The following RSF1 variants were observed in gnomAD, a reference collection of about 807,000 sequenced individuals.
RSF1 encodes the protein remodeling and spacing factor 1, also known as HBV pX-associated protein 8.
Under a neutral mutation model 145.2 loss-of-function variants are expected in RSF1, and 13 were observed. That is an observed-to-expected ratio of 0.09 (90% CI 0.06 to 0.14). The LOEUF is 0.14. Among genes scored for constraint, RSF1 ranks in the 10% least tolerant of loss-of-function variants. The probability of loss-of-function intolerance (pLI) is 1.00; values close to 1 mark genes in which losing one functional copy is unlikely to be tolerated. For missense variants in RSF1, 1,517 were observed against 1,718.2 expected (o/e 0.88, Z 2.07); for synonymous variants, 577 against 592.6 (o/e 0.97, Z 0.38).
chr11:77,820,686 A>T lies in RSF1; in HGVS notation c.29T>A (p.Val10Glu). The change falls in exon 1 of 16, where the codon GTG (valine) becomes GAG (glutamate). Residue 10 changes from valine (V) to glutamate (E), a missense_variant. Coordinates refer to ENST00000308488, the MANE Select transcript of RSF1 (RefSeq NM_016578.4). MATAAAAAAVMAPPGCPGSC... is the reference protein window; with the variant it reads MATAAAAAAEMAPPGCPGSC... ...ACCCGGGCAGCCCGGAGGAGCCATC[A>T]CCGCCGCCGCTGCCGCCGCCGTCGC... The T allele has an allele frequency of 6.4e-7, 1 of 1,551,202 alleles. No homozygotes were observed. The highest frequency in any genetic ancestry group is 2.4e-5 in the East Asian group (1 of 41,354).
chr11:77,679,437 C>T (rs1959798642), intron 11 of RSF1, among the ~76,000 whole-genome samples: 1 of 152,130 alleles, frequency 6.6e-6, no homozygotes, highest in South Asian at 2.1e-4. Flanking sequence ...CTTTGGGAGG[C>T]CAAGGCAGGC....
Position 77,660,221 on chromosome 11 carries a change from A to G in RSF1, c.*6696T>C, listed in dbSNP as rs2135796345. The G allele has an allele frequency of 6.6e-6, 1 of 152,266 alleles. No homozygotes were observed. The highest frequency in any genetic ancestry group is 1.9e-4 in the East Asian group (1 of 5,188). The allele number at this position is 152,266 out of a possible 1,614,324, so 9.4% of individuals were successfully genotyped here. On this transcript the variant is annotated 3_prime_UTR_variant, in exon 16 of 16. Transcript: ENST00000308488. ...CAAAAATACTGGCACCAGCCACAAC[A>G]TATTTTGGTTGTCACTTACAAGGAA...
chr11:77,804,483 G>C (rs1020337198), intron 1 of RSF1, among the ~76,000 whole-genome samples: 2 of 152,212 alleles, frequency 1.3e-5, no homozygotes, highest in Non-Finnish European at 2.9e-5. Flanking sequence ...TAAATGGCAT[G>C]AGACCAGCCT....
At chr11:77,734,744 C>T (rs1590857459) in intron 4 of RSF1, 1 of 1,515,734 alleles carries the variant, frequency 6.6e-7, no homozygotes, top group Non-Finnish European at 9.1e-7. Flanking sequence ...AGCCCGCTCT[C>T]CCAGTCATCA....
chr11:77,843,288 G>A, the RSF1 span, among the ~76,000 whole-genome samples: 118 of 152,248 alleles, frequency 7.8e-4, no homozygotes, highest in African/African-American at 2.6e-3. Flanking sequence ...AGTATTCTCA[G>A]TGTGCCATTC....
intron 8 of RSF1, 77 bp downstream of exon 8, chr11:77,693,426 ATATT>A: frequency 1.2e-6 from 1 of 839,406 alleles, no homozygotes; most frequent in Non-Finnish European, 2.0e-6. Flanking sequence ...AAGGTTAAAA[ATATT>A]CATTCAGTAG....
the RSF1 span, among the ~76,000 whole-genome samples, chr11:77,828,966 T>C: frequency 2.0e-5 from 3 of 152,234 alleles, no homozygotes; most frequent in African/African-American, 7.2e-5. Context: ...ACTTCCTGGC[T>C]TCCAAAGTTA....
rs1025887273 is a variant in RSF1 at position 77,687,956 on chromosome 11, G to C, written c.2901-2797C>G. 5.9e-5 allele frequency among the ~76,000 whole-genome samples: 9 copies of C among 152,282 alleles called. No homozygotes were observed. The East Asian group carries it at 1.2e-3, about 20-fold the overall frequency. ...TCAAAGGGCTCCAAAGAATAAGCAG[G>C]TAAGAAATTCTTAGTGGTTTACATT... is the stretch of plus-strand genomic sequence containing the variant. On this transcript the variant is annotated intron_variant, in intron 9 of 15. Transcript: ENST00000308488.
chr11:77,673,663 T>TA (rs1199328507), intron 14 of RSF1, among the ~76,000 whole-genome samples: 1 of 152,156 alleles, frequency 6.6e-6, no homozygotes, highest in African/African-American at 2.4e-5. Context: ...CCACAGGAAC[T>TA]AAAACTAGCA....
At chr11:77,855,881 G>A in the RSF1 span, among the ~76,000 whole-genome samples, 2 of 151,958 alleles carry the variant, frequency 1.3e-5, no homozygotes. Context: ...TATGAGGTGG[G>A]CCAAGGTGAG....
intron 8 of RSF1, among the ~76,000 whole-genome samples, chr11:77,693,018 G>A (rs1456169307): frequency 6.6e-6 from 1 of 152,124 alleles, no homozygotes; most frequent in African/African-American, 2.4e-5. Flanking sequence ...GTTTGTGAGA[G>A]AAATGTAACC....
At chr11:77,757,964 TAAAATTA>T (rs371321879) in intron 2 of RSF1, among the ~76,000 whole-genome samples, 623 of 152,146 alleles carry the variant, frequency 4.1e-3, no homozygotes, top group Admixed American at 6.4e-3. Flanking sequence ...ACACTGTCTC[TAAAATTA>T]AAAATTAAAA....
upstream of RSF1, among the ~76,000 whole-genome samples, chr11:77,825,395 T>C (rs35711367): frequency 0.39 from 59,664 of 151,970 alleles, 12,198 homozygotes; most frequent in African/African-American, 0.49. Context: ...ATTAGGTTTA[T>C]CTAAAACTCA....
chr11:77,818,400 G>C (rs1948802229), intron 1 of RSF1, among the ~76,000 whole-genome samples: 1 of 152,078 alleles, frequency 6.6e-6, no homozygotes, highest in Non-Finnish European at 1.5e-5. Context: ...CCCACAGTTC[G>C]TTCTCTGAGA....
At chr11:77,792,768 T>C (rs1036358359) in intron 1 of RSF1, among the ~76,000 whole-genome samples, 1 of 149,282 alleles carries the variant, frequency 6.7e-6, no homozygotes, top group Non-Finnish European at 1.5e-5. Context: ...ATCAAGATAC[T>C]ATACCTACCA....
intron 4 of RSF1, among the ~76,000 whole-genome samples, chr11:77,736,989 A>C (rs1961368909): frequency 1.3e-5 from 2 of 152,232 alleles, no homozygotes; most frequent in African/African-American, 4.8e-5. Flanking sequence ...AAAATCAGAG[A>C]GTCAATAAAC....
At chr11:77,681,345 A>G (rs978562798) in intron 11 of RSF1, among the ~76,000 whole-genome samples, 4 of 152,244 alleles carry the variant, frequency 2.6e-5, no homozygotes, top group Non-Finnish European at 5.9e-5. Context: ...AATGACTGAC[A>G]TATTACAAAA....
chr11:77,831,104 C>T, the RSF1 span, among the ~76,000 whole-genome samples: 1 of 151,588 alleles, frequency 6.6e-6, no homozygotes, highest in Non-Finnish European at 1.5e-5. Flanking sequence ...GTAATCATGT[C>T]ACAGCATTCC....
the RSF1 span, among the ~76,000 whole-genome samples, chr11:77,846,007 A>ATT: frequency 1.4e-5 from 2 of 139,644 alleles, no homozygotes; most frequent in African/African-American, 2.6e-5. Flanking sequence ...TATATTTCTC[A>ATT]TTTTTTTTTT....
Sources: gnomAD v4.1 joint callset for allele counts (sites outside exome capture counted in the v4.1 genomes callset) on GRCh38, gnomAD v4.1.1 for gene constraint, MANE v1.5 for transcripts, NCBI Gene and HGNC (gene_info 2026-07-23, HGNC 2026-07-21) for gene names.